Variants in HEATR4 observed in about 807,000 individuals in gnomAD.
HEATR4 encodes the protein HEAT repeat containing 4, also known as HEAT repeat-containing protein 4.
In HEATR4, 95 loss-of-function variants were observed where a neutral mutation model predicts 108.8. The observed-to-expected ratio is 0.87, with a 90% CI of 0.74 to 1.04. The LOEUF is 1.04. Ranked by LOEUF, HEATR4 falls within the 50% of genes least tolerant of loss-of-function variation. HEATR4 has a pLI of 0.00. For missense variants in HEATR4, 1,152 were observed against 1,253.8 expected (o/e 0.92, Z 1.23); for synonymous variants, 443 against 459.4 (o/e 0.96, Z 0.46).
Position 73,522,799 on chromosome 14 carries a change from G to C in HEATR4, c.354C>G (p.Ser118Arg). ...IRKARPQKPVSFKFLGSSSPL... is the reference protein window; with the variant it reads ...IRKARPQKPVRFKFLGSSSPL... Reference sequence around the variant, plus strand: ...GACTTGAGGAACCCAGGAACTTGAAGCTAACAGGTTTCTGAGGCCGGGCCT... The same window carrying C: ...GACTTGAGGAACCCAGGAACTTGAACCTAACAGGTTTCTGAGGCCGGGCCT... The change falls in exon 3 of 18, where the codon AGC becomes AGG. Residue 118 changes from serine (S) to arginine (R), a missense_variant. By Grantham distance (110) the Ser-to-Arg change is moderately radical. Coordinates refer to ENST00000553558, the MANE Select transcript of HEATR4 (RefSeq NM_001220484.1). 6.2e-7 allele frequency: 1 copy of C among 1,614,210 alleles called. No individual in the cohort carries two copies. The highest frequency in any genetic ancestry group is 8.5e-7 in the Non-Finnish European group (1 of 1,180,038).
chr14:73,601,645 G>C, the HEATR4 span, among the ~76,000 whole-genome samples: 1 of 152,156 alleles, frequency 6.6e-6, no homozygotes, highest in African/African-American at 2.4e-5. Context: ...TCCATGATGA[G>C]TCATAGAAAC....
chr14:73,485,112 C>T (rs138870119), intron 17 of HEATR4, among the ~76,000 whole-genome samples: 7,362 of 151,566 alleles, frequency 0.049, 615 homozygotes, highest in African/African-American at 0.17. Context: ...TGCAGTGAGC[C>T]GAGATTGCAC....
At chr14:73,567,159 A>C in the HEATR4 span, among the ~76,000 whole-genome samples, 5 of 151,536 alleles carry the variant, frequency 3.3e-5, no homozygotes, top group East Asian at 9.7e-4. Flanking sequence ...TTGGTGCGAA[A>C]CTCCTGGCCT....
intron 17 of HEATR4, among the ~76,000 whole-genome samples, chr14:73,479,419 T>TTTCTTTCTTTCTTTCTTTC (rs71112759): frequency 6.1e-4 from 64 of 105,150 alleles, no homozygotes; most frequent in African/African-American, 2.2e-3. Context: ...CGGCGTTTTT[T>TTTCTTTCTTTCTTTCTTTC]TTTCTTTCTT....
rs962382377 is a variant in HEATR4, at chr14:73,498,087, T to G, written c.2546+68A>C. The stretch of plus-strand genomic sequence containing the variant: ...GGTAGCCTGGAAAGGCAGGGACATA[T>G]TCAATGAGCAAAGATGTGAGAGTTG... On this transcript the variant is annotated intron_variant, in intron 14 of 17. Transcript: ENST00000553558. 4.8e-6 allele frequency: 7 copies of G among 1,447,432 alleles called. No homozygotes were observed. In the African/African-American group the frequency reaches 8.4e-5, roughly 17 times the overall value. The allele number at this position is 1,447,432 out of a possible 1,614,324, so 89.7% of individuals were successfully genotyped here. A position where few individuals can be genotyped will look rare whatever the true frequency, so the allele number is the denominator to read the frequency against.
At chr14:73,497,869 T>A (rs1476401842) in intron 14 of HEATR4, among the ~76,000 whole-genome samples, 1 of 151,938 alleles carries the variant, frequency 6.6e-6, no homozygotes, top group Admixed American at 6.5e-5. Flanking sequence ...CAGGTGATCC[T>A]CCTGCCTCAG....
At chr14:73,527,997 G>C (rs1595143127) in intron 2 of HEATR4, among the ~76,000 whole-genome samples, 1 of 149,288 alleles carries the variant, frequency 6.7e-6, no homozygotes, top group Non-Finnish European at 1.5e-5. Flanking sequence ...GAGTGATTTA[G>C]GATGTCCCCA....
At chr14:73,576,632 G>A in the HEATR4 span, among the ~76,000 whole-genome samples, 2 of 150,632 alleles carry the variant, frequency 1.3e-5, no homozygotes, top group African/African-American at 4.9e-5. Context: ...GGAAAACCCC[G>A]TCTCTACAAA....
At chr14:73,566,372 C>T in the HEATR4 span, among the ~76,000 whole-genome samples, 5 of 152,096 alleles carry the variant, frequency 3.3e-5, no homozygotes, top group South Asian at 2.1e-4. Context: ...GACTGGGCTC[C>T]GTGGAGCAGG....
Position 73,520,971 on chromosome 14 carries a change from A to G in HEATR4, c.950T>C (p.Ile317Thr). The G allele has an allele frequency of 1.2e-6, 2 of 1,613,628 alleles. No individual in the cohort carries two copies. Among genetic ancestry groups the G allele is most frequent in the African/African-American group, 1.3e-5 (1 of 74,874 alleles). The part of the protein sequence containing the change: ...IMPGNKSTED[I>T]HEKTSLSQPQ... Reference sequence around the variant, plus strand: ...CTGGGAGAGGCTCGTCTTTTCATGGATATCCTCAGTGCTCTTGTTGCCAGG... The same window carrying G: ...CTGGGAGAGGCTCGTCTTTTCATGGGTATCCTCAGTGCTCTTGTTGCCAGG... Residue 317 changes from isoleucine (I) to threonine (T), a missense_variant, in exon 4 of 18, where the codon ATC (isoleucine) becomes ACC (threonine). Ile to Thr is a moderately conservative substitution (Grantham distance 89). Coordinates refer to ENST00000553558, the MANE Select transcript of HEATR4 (RefSeq NM_001220484.1).
intron 3 of HEATR4, among the ~76,000 whole-genome samples, chr14:73,521,324 CTT>C (rs577410563): frequency 6.6e-6 from 1 of 152,070 alleles, no homozygotes; most frequent in African/African-American, 2.4e-5. Flanking sequence ...CAGCATAACC[CTT>C]TTTTAACATT....
the HEATR4 span, among the ~76,000 whole-genome samples, chr14:73,598,232 A>C: frequency 6.8e-6 from 1 of 146,818 alleles, no homozygotes; most frequent in Non-Finnish European, 1.5e-5. Flanking sequence ...AAAAAAAAAA[A>C]AAAAAAACAT....
chr14:73,594,271 T>C, the HEATR4 span, among the ~76,000 whole-genome samples: 31 of 152,332 alleles, frequency 2.0e-4, no homozygotes, highest in African/African-American at 6.3e-4. Context: ...CAAACTTACT[T>C]ACTCTGAAGT....
chr14:73,490,816 T>C (rs929679420), intron 17 of HEATR4: 7 of 485,526 alleles, frequency 1.4e-5, no homozygotes, highest in East Asian at 3.5e-5. Context: ...CAAGGGTTCT[T>C]GCCGCTGCCG....
the HEATR4 span, among the ~76,000 whole-genome samples, chr14:73,573,750 T>C: frequency 1.3e-5 from 2 of 151,504 alleles, 1 homozygote; most frequent in Non-Finnish European, 2.9e-5. Context: ...TTTTTTGAGA[T>C]GGAGTCTCAC....
In HEATR4 at chr14:73,539,985, C is replaced by G. The variant is rs1419958606; in HGVS notation, c.-151-9741G>C. On this transcript the variant is annotated intron_variant, in intron 1 of 17. Transcript: ENST00000553558. The stretch of plus-strand genomic sequence containing the variant: ...GGATACTTTTATATTACATAAAGAG[C>G]AATCAGCCAGTGTAGAAATGATGCT... Among the ~76,000 whole-genome samples, 2 of 115,586 alleles carry G rather than the reference C, an allele frequency of 1.7e-5. 1 individual carries two copies. Among genetic ancestry groups the G allele is most frequent in the Non-Finnish European group, 3.8e-5 (2 of 52,998 alleles). The allele number at this position is 115,586 out of a possible 152,430, so 75.8% of individuals were successfully genotyped here.
chr14:73,592,413 C>G, the HEATR4 span: 1 of 1,515,652 alleles, frequency 6.6e-7, no homozygotes, highest in Non-Finnish European at 8.8e-7. Flanking sequence ...CTTCCTGCCG[C>G]CAGGTGAGCC....
chr14:73,487,711 C>T (rs903071278), intron 17 of HEATR4, among the ~76,000 whole-genome samples: 8 of 152,174 alleles, frequency 5.3e-5, no homozygotes, highest in African/African-American at 1.9e-4. Context: ...AGGAATGTGA[C>T]AAGAACATGA....
At chr14:73,509,168 T>C in intron 8 of HEATR4, 144 bp downstream of exon 8, 2 of 816,052 alleles carry the variant, frequency 2.5e-6, no homozygotes, top group Non-Finnish European at 3.9e-6. Context: ...TGTCTGGTCC[T>C]AATTTTCAAA....
Sources: allele counts gnomAD v4.1 joint callset (sites outside exome capture counted in the v4.1 genomes callset), GRCh38; gene constraint gnomAD v4.1.1; transcripts MANE v1.5; gene names NCBI Gene and HGNC (gene_info 2026-07-23, HGNC 2026-07-21).